ALX1: variants seen among roughly 807,000 people sequenced by gnomAD.
The protein encoded by ALX1 is ALX homeobox 1.
A neutral mutation model predicts 31.7 loss-of-function variants in ALX1; 19 were observed. The observed-to-expected ratio is 0.60, with a 90% CI of 0.42 to 0.88. The LOEUF is 0.88. ALX1 is among the 40% of genes least tolerant of loss of function. ALX1 has a pLI of 0.00. For missense variants in ALX1, 415 were observed against 407.8 expected (o/e 1.02, Z -0.15); for synonymous variants, 153 against 148.8 (o/e 1.03, Z -0.20).
chr12:85,280,720 G>A (rs1188757846), intron 1 of ALX1, among the ~76,000 whole-genome samples: 1 of 152,184 alleles, frequency 6.6e-6, no homozygotes, highest in Non-Finnish European at 1.5e-5. Flanking sequence ...GCCTCTGAGC[G>A]ATTCTCCTTT....
rs143194855 is a variant in ALX1 at position 85,289,179 on chromosome 12, A to G, written c.660+2198A>G. ...TTTGACTCTTCTTGCTTCTTTGATA[A>G]AGCAATCAGAATAGGGCCTAGCATC... is the stretch of plus-strand genomic sequence containing the variant. On this transcript the variant is annotated intron_variant, in intron 3 of 3. Coordinates refer to ENST00000316824, the MANE Select transcript of ALX1 (RefSeq NM_006982.3). Among the ~76,000 whole-genome samples, 924 of 151,230 alleles carry G rather than the reference A, an allele frequency of 6.1e-3. 5 individuals carry two copies. Among genetic ancestry groups the G allele is most frequent in the African/African-American group, 0.021 (874 of 41,406 alleles).
intron 1 of ALX1, among the ~76,000 whole-genome samples, chr12:85,280,817 G>A (rs914949204): frequency 1.3e-5 from 2 of 152,032 alleles, no homozygotes; most frequent in Non-Finnish European, 2.9e-5. Flanking sequence ...TAAATAGAGC[G>A]TAATTGAGTC....
In ALX1 at chr12:85,298,456, A is replaced by G. The variant is rs1011250267; in HGVS notation, c.661-2699A>G. ...AGAGGGCAGGCTTCAGAGAAGTAAA[A>G]TCACAATATACCGAGGATATTATCT... is the stretch of plus-strand genomic sequence containing the variant. On this transcript the variant is annotated intron_variant, in intron 3 of 3. Coordinates refer to ENST00000316824, the MANE Select transcript of ALX1 (RefSeq NM_006982.3). Among the ~76,000 whole-genome samples the G allele has an allele frequency of 2.0e-5, 3 of 151,804 alleles. No homozygotes were observed. The South Asian group carries it at 6.2e-4, about 31-fold the overall frequency.
rs13377704 is a variant in ALX1, at chr12:85,291,155, T to C, written c.660+4174T>C. On this transcript the variant is annotated intron_variant, in intron 3 of 3. Coordinates refer to ENST00000316824, the MANE Select transcript of ALX1 (RefSeq NM_006982.3). The stretch of plus-strand genomic sequence containing the variant: ...AAGCAATTAACTTTTCCTCAATTTC[T>C]TCCTCTGTTCAAAAAAATAGGCTAG... Among the ~76,000 whole-genome samples the C allele has an allele frequency of 2.6e-3, 396 of 151,304 alleles. 2 individuals carry two copies. Among genetic ancestry groups the C allele is most frequent in the African/African-American group, 8.7e-3 (361 of 41,438 alleles).
At chr12:85,301,014 C>A in intron 3 of ALX1, 141 bp from the exon 4 acceptor site, 1 of 783,042 alleles carries the variant, frequency 1.3e-6, no homozygotes, top group Non-Finnish European at 2.1e-6. Flanking sequence ...ATTTTTTAGT[C>A]ATTGTTGTAT....
At chr12:85,300,950 G>A (rs182986148) in intron 3 of ALX1, among the ~76,000 whole-genome samples, 31 of 152,204 alleles carry the variant, frequency 2.0e-4, no homozygotes, top group Admixed American at 1.8e-3. Context: ...CCAAGAATGT[G>A]AGATTTGTTG....
intron 3 of ALX1, among the ~76,000 whole-genome samples, chr12:85,300,184 G>A (rs969871198): frequency 1.3e-5 from 2 of 151,888 alleles, no homozygotes; most frequent in African/African-American, 4.8e-5. Context: ...ATTGAGATAT[G>A]TCCTACTTAA....
intron 2 of ALX1, among the ~76,000 whole-genome samples, chr12:85,285,654 A>G (rs1896738323): frequency 6.6e-6 from 1 of 152,036 alleles, no homozygotes; most frequent in African/African-American, 2.4e-5. Context: ...GAAGGTAAAG[A>G]TATACAAGAT....
intron 3 of ALX1, among the ~76,000 whole-genome samples, chr12:85,293,337 C>T (rs187637035): frequency 5.3e-5 from 8 of 149,866 alleles, no homozygotes; most frequent in African/African-American, 1.7e-4. Flanking sequence ...GTACAGTTAG[C>T]TACAGTGAAT....
Position 85,280,407 on chromosome 12 carries a change from G to C in ALX1, c.146G>C (p.Cys49Ser), listed in dbSNP as rs914521573. 6.2e-7 allele frequency: 1 copy of C among 1,613,476 alleles called. No individual in the cohort carries two copies. Among genetic ancestry groups the C allele is most frequent in the Non-Finnish European group, 8.5e-7 (1 of 1,180,036 alleles). Residue 49 changes from cysteine to serine, a missense_variant, in exon 1 of 4, where the codon TGC becomes TCC. Around this residue, in one of 3 missense-constraint regions of ALX1, gnomAD observed 235 missense variants for 208.9 expected, o/e 1.13. Coordinates refer to ENST00000316824, the MANE Select transcript of ALX1 (RefSeq NM_006982.3). ...SFYSKASAGKCVQAFGPLPRA... is the reference protein window; with the variant it reads ...SFYSKASAGKSVQAFGPLPRA... The stretch of plus-strand genomic sequence containing the variant: ...TACAGCAAAGCGTCTGCAGGCAAAT[G>C]CGTGCAGGCCTTCGGACCCCTGCCC...
At chr12:85,299,233 G>A (rs1246619520) in intron 3 of ALX1, among the ~76,000 whole-genome samples, 1 of 150,650 alleles carries the variant, frequency 6.6e-6, no homozygotes, top group East Asian at 2.0e-4. Context: ...CACAATGTGT[G>A]TGATTGAATG....
chr12:85,281,844 A>G (rs1029435601), intron 1 of ALX1, among the ~76,000 whole-genome samples: 9 of 152,162 alleles, frequency 5.9e-5, no homozygotes, highest in Admixed American at 5.2e-4. Context: ...TTGAATTGAC[A>G]GGTCTTTCTT....
Position 85,289,508 on chromosome 12 carries a change from T to A in ALX1, c.660+2527T>A, listed in dbSNP as rs148263004. 2.9e-3 allele frequency among the ~76,000 whole-genome samples: 433 copies of A among 151,302 alleles called. 2 individuals carry two copies. Among genetic ancestry groups the A allele is most frequent in the Non-Finnish European group, 4.0e-3 (272 of 67,366 alleles). ...AATTTAAAAAATTTCCCCCCACAAA[T>A]CATGGGAATGTTGCACTAATTATTC... On this transcript the variant is annotated intron_variant, in intron 3 of 3. Transcript: ENST00000316824.
intron 2 of ALX1, among the ~76,000 whole-genome samples, chr12:85,286,264 C>A (rs1896745921): frequency 6.6e-6 from 1 of 151,750 alleles, no homozygotes; most frequent in Non-Finnish European, 1.5e-5. Flanking sequence ...AATATGTAAT[C>A]TCATTTTTTC....
At chr12:85,291,188 T>C (rs1480364438) in intron 3 of ALX1, among the ~76,000 whole-genome samples, 2 of 151,210 alleles carry the variant, frequency 1.3e-5, no homozygotes, top group Non-Finnish European at 3.0e-5. Context: ...TAGAAAGATT[T>C]TGCAGACACT....
chr12:85,292,627 C>G (rs1896832797), intron 3 of ALX1, among the ~76,000 whole-genome samples: 1 of 151,144 alleles, frequency 6.6e-6, no homozygotes, highest in Non-Finnish European at 1.5e-5. Context: ...TAGTTTAACA[C>G]ATTCTATTTG....
intron 3 of ALX1, among the ~76,000 whole-genome samples, chr12:85,298,262 T>TA (rs1896915702): frequency 6.6e-6 from 1 of 151,770 alleles, no homozygotes; most frequent in Non-Finnish European, 1.5e-5. Context: ...TCTATAGTGT[T>TA]ACCATCCTCA....
intron 3 of ALX1, among the ~76,000 whole-genome samples, chr12:85,293,844 C>T (rs17012666): frequency 0.032 from 4,778 of 151,028 alleles, 249 homozygotes; most frequent in African/African-American, 0.11. Flanking sequence ...TGCAGTTCAC[C>T]CTATTGTTAG....
At chr12:85,285,686 G>T (rs2137379038) in intron 2 of ALX1, among the ~76,000 whole-genome samples, 1 of 152,058 alleles carries the variant, frequency 6.6e-6, no homozygotes, top group South Asian at 2.1e-4. Flanking sequence ...ATGAAAAAGA[G>T]TGAAAATTTC....
Sources: gnomAD v4.1 joint callset for allele counts (sites outside exome capture counted in the v4.1 genomes callset) on GRCh38, gnomAD v4.1.1 for gene constraint, gnomAD v4.1.1 regional missense constraint, MANE v1.5 for transcripts, NCBI Gene and HGNC (gene_info 2026-07-23, HGNC 2026-07-21) for gene names.